Variants in IRS2 observed in about 807,000 individuals in gnomAD.
IRS2 encodes the protein insulin receptor substrate 2.
Under a neutral mutation model 70.9 loss-of-function variants are expected in IRS2, and 28 were observed. The observed-to-expected ratio is 0.39, with a 90% CI of 0.29 to 0.54. The LOEUF (loss-of-function observed/expected upper bound fraction) is 0.54, where lower values mean the gene tolerates loss of function less well. IRS2 is among the 20% of genes least tolerant of loss of function. The probability of loss-of-function intolerance (pLI) is 0.59; values close to 1 mark genes in which losing one functional copy is unlikely to be tolerated. For synonymous variants in IRS2, 1,217 were observed against 981.9 expected (o/e 1.24, Z -4.48); for missense variants, 2,081 against 2,024.1 (o/e 1.03, Z -0.54).
At chr13:109,760,285 C>T (rs1312574526) in intron 1 of IRS2, among the ~76,000 whole-genome samples, 1 of 152,244 alleles carries the variant, frequency 6.6e-6, no homozygotes, top group Non-Finnish European at 1.5e-5. Context: ...AACAATAAGA[C>T]TCACGTGTTG....
rs546568276 is a variant in IRS2 at position 109,775,001 on chromosome 13, T to A, written c.4012+7041A>T. Among the ~76,000 whole-genome samples, 3 of 152,280 alleles carry A rather than the reference T, an allele frequency of 2.0e-5. No individual in the cohort carries two copies. In the East Asian group the frequency reaches 5.8e-4, roughly 29 times the overall value. On this transcript the variant is annotated intron_variant, in intron 1 of 1. Coordinates refer to ENST00000375856, the MANE Select transcript of IRS2 (RefSeq NM_003749.3). ...AAGTTGTGGGATTATCTGTTACACT[T>A]ATACTTTGGAGGCCAAAGATTGACT...
Position 109,782,813 on chromosome 13 carries a change from C to A in IRS2, c.3241G>T (p.Ala1081Ser), listed in dbSNP as rs763286001. 1.3e-6 allele frequency: 2 copies of A among 1,589,120 alleles called. No individual in the cohort carries two copies. The highest frequency in any genetic ancestry group is 1.7e-6 in the Non-Finnish European group (2 of 1,169,318). The change falls in exon 1 of 2, where the codon GCC (alanine) becomes TCC (serine). Residue 1081 changes from alanine to serine, a missense_variant. Physicochemically the swap from Ala to Ser is moderately conservative, Grantham distance 99 (BLOSUM62 1). This residue lies in a region of IRS2 where 1,615 missense variants were observed against 1,459.5 expected (regional missense o/e 1.11). Coordinates refer to ENST00000375856, the MANE Select transcript of IRS2 (RefSeq NM_003749.3). ...GCCGCGATAGGTTGCGGCGGGGTGGCGGCCACACCAAAAGCCATCTCGGTG... is the reference window on the plus strand; with the variant it reads ...GCCGCGATAGGTTGCGGCGGGGTGGAGGCCACACCAAAAGCCATCTCGGTG... ...DYTEMAFGVA[A>S]TPPQPIAAPP...
rs1230301870 is a variant in IRS2, at chr13:109,755,300, TA to T, written c.*1003del. 4 of 228,736 alleles carry T rather than the reference TA, an allele frequency of 1.7e-5. No homozygotes were observed. Among genetic ancestry groups the T allele is most frequent in the Middle Eastern group, 2.5e-3 (2 of 792 alleles). 14.2% of individuals were successfully genotyped at this position (228,736 alleles called of 1,614,324 possible). ...ATTTTATTAAAGATAATACGTTTTT[TA>T]AAAATCAAATCTGCCAAACCCGGAC... On this transcript the variant is annotated 3_prime_UTR_variant, in exon 2 of 2. Transcript: ENST00000375856.
rs753888517 is a variant in IRS2, at chr13:109,784,178, G to T, written c.1876C>A (p.His626Asn). ...TCTCCGTAGTCCTCTGGGTAGGGGT[G>T]GTAGGCCACCTTGGGAGAGGACGCG... The part of the protein sequence containing the change: ...CPASSPKVAY[H>N]PYPEDYGDIE... Residue 626 changes from histidine (H) to asparagine (N), a missense_variant, in exon 1 of 2, where the codon CAC becomes AAC. Around this residue, in one of 4 missense-constraint regions of IRS2, gnomAD observed 1,615 missense variants for 1,459.5 expected, o/e 1.11. Transcript: ENST00000375856. This position sits in a 1 kb window ranked among gnomAD's most constrained non-coding sequence, Gnocchi z 5.2. 6 of 1,579,792 alleles carry T rather than the reference G, an allele frequency of 3.8e-6. No individual in the cohort carries two copies. The South Asian group carries it at 6.8e-5, about 18-fold the overall frequency.
chr13:109,772,524 C>T (rs544033883), intron 1 of IRS2, among the ~76,000 whole-genome samples: 106 of 152,264 alleles, frequency 7.0e-4, no homozygotes, highest in African/African-American at 2.5e-3. Flanking sequence ...CTCATCCAGC[C>T]AGGTCTCCAA....
chr13:109,785,480 C>T lies in IRS2; in HGVS notation c.574G>A (p.Ala192Thr), dbSNP rs2138938352. 3.7e-6 allele frequency: 6 copies of T among 1,611,702 alleles called. No individual in the cohort carries two copies. Among genetic ancestry groups the T allele is most frequent in the Non-Finnish European group, 5.1e-6 (6 of 1,179,640 alleles). Residue 192 changes from alanine (A) to threonine (T), a missense_variant, in exon 1 of 2, where the codon GCC (alanine) becomes ACC (threonine). Physicochemically the swap from Ala to Thr is moderately conservative, Grantham distance 58. Transcript: ENST00000375856. This position sits in a 1 kb window ranked among gnomAD's most constrained non-coding sequence, Gnocchi z 9.3. ...DSYGLVAPAT[A>T]AYREVWQVNL... ...ACCTGCCACACCTCACGGTAGGCGGCCGTGGCGGGAGCCACCAGCCCGTAG... is the reference window on the plus strand; with the variant it reads ...ACCTGCCACACCTCACGGTAGGCGGTCGTGGCGGGAGCCACCAGCCCGTAG...
At chr13:109,771,615 G>A (rs545832853) in intron 1 of IRS2, among the ~76,000 whole-genome samples, 20 of 152,300 alleles carry the variant, frequency 1.3e-4, no homozygotes, top group East Asian at 5.8e-4. Context: ...TTTCATTTGC[G>A]TATGTAAAAC....
In IRS2 at chr13:109,783,534, C is replaced by T. The variant is rs1467394735; in HGVS notation, c.2520G>A (p.Glu840=). ...GGCTGGGCCCTGGCGTGGCCTGAGGCTCCAGACGCTCCTCCTCCAGGATGC... is the reference window on the plus strand; with the variant it reads ...GGCTGGGCCCTGGCGTGGCCTGAGGTTCCAGACGCTCCTCCTCCAGGATGC... The part of the protein sequence containing the change: ...VGRILEEERL[E]PQATPGPSQA... The change falls in exon 1 of 2, where the codon GAG becomes GAA. Residue 840 remains glutamate, a synonymous_variant. Transcript: ENST00000375856. The T allele has an allele frequency of 6.5e-6, 10 of 1,549,234 alleles. No individual in the cohort carries two copies. The highest frequency in any genetic ancestry group is 8.7e-6 in the Non-Finnish European group (10 of 1,146,690).
chr13:109,778,941 G>A (rs182732325), intron 1 of IRS2, among the ~76,000 whole-genome samples: 127 of 152,244 alleles, frequency 8.3e-4, no homozygotes, highest in African/African-American at 2.6e-3. Flanking sequence ...ATTCAGTAGC[G>A]TCTTTCCAAT....
Position 109,783,219 on chromosome 13 carries a change from G to C in IRS2, c.2835C>G (p.Ser945=). The C allele has an allele frequency of 1.4e-6, 2 of 1,438,338 alleles. No homozygotes were observed. The highest frequency in any genetic ancestry group is 1.8e-6 in the Non-Finnish European group (2 of 1,098,866). 89.1% of individuals were successfully genotyped at this position (1,438,338 alleles called of 1,614,324 possible). A position where few individuals can be genotyped will look rare whatever the true frequency, so the allele number is the denominator to read the frequency against. The change falls in exon 1 of 2, where the codon TCC becomes TCG. Residue 945 remains serine, a synonymous_variant. Coordinates refer to ENST00000375856, the MANE Select transcript of IRS2 (RefSeq NM_003749.3). ...GGCTGCTGGCGGACAAGAGCGAGGA[G>C]GACGAGGCCGCCGACGCCAGCAGGG... ...APPLLASAAS[S]SSLLSASSPA... is the part of the protein sequence containing the mutation.
chr13:109,783,535 T>C lies in IRS2; in HGVS notation c.2519A>G (p.Glu840Gly), dbSNP rs113441645. 1.3e-6 allele frequency: 2 copies of C among 1,549,200 alleles called. No individual in the cohort carries two copies. The highest frequency in any genetic ancestry group is 1.4e-5 in the African/African-American group (1 of 73,138). The change falls in exon 1 of 2, where the codon GAG becomes GGG. Residue 840 changes from glutamate to glycine, a missense_variant. Around this residue, in one of 4 missense-constraint regions of IRS2, gnomAD observed 1,615 missense variants for 1,459.5 expected, o/e 1.11. Transcript: ENST00000375856. The part of the protein sequence containing the change: ...VGRILEEERL[E>G]PQATPGPSQA... ...GCTGGGCCCTGGCGTGGCCTGAGGC[T>C]CCAGACGCTCCTCCTCCAGGATGCG...
intron 1 of IRS2, among the ~76,000 whole-genome samples, chr13:109,773,849 C>T (rs1217230955): frequency 1.3e-5 from 2 of 152,186 alleles, no homozygotes; most frequent in Non-Finnish European, 2.9e-5. Flanking sequence ...AGAGCATAGG[C>T]TGTATCCTGG....
chr13:109,772,574 G>C (rs909139219), intron 1 of IRS2, among the ~76,000 whole-genome samples: 13 of 151,866 alleles, frequency 8.6e-5, no homozygotes, highest in Non-Finnish European at 1.5e-4. Flanking sequence ...CTCACCGTTG[G>C]GGGTGCTGGC....
At chr13:109,779,059 T>C (rs1457832676) in intron 1 of IRS2, among the ~76,000 whole-genome samples, 1 of 152,312 alleles carries the variant, frequency 6.6e-6, no homozygotes, top group African/African-American at 2.4e-5. Context: ...AGATGCATAA[T>C]TTTGAGTTTG....
At position 109,784,712 on chromosome 13, in the gene IRS2, G is replaced by A. The variant is rs1877858490; in HGVS notation, c.1342C>T (p.Leu448=). Residue 448 remains leucine, a synonymous_variant, in exon 1 of 2, where the codon CTG becomes TTG. Coordinates refer to ENST00000375856, the MANE Select transcript of IRS2 (RefSeq NM_003749.3). This position sits in a 1 kb window ranked among gnomAD's most constrained non-coding sequence, Gnocchi z 5.2. ...GAGCCGTGGCCGCTGCTGGACGACA[G>A]GGAGCCGGGGCTGGTGGCGGCGGGC... ...SPPAATSPGS[L]SSSSGHGSGS... is the part of the protein sequence containing the mutation. 6 of 1,237,154 alleles carry A rather than the reference G, an allele frequency of 4.8e-6. No homozygotes were observed. Among genetic ancestry groups the A allele is most frequent in the Non-Finnish European group, 6.0e-6 (6 of 992,460 alleles). The allele number at this position is 1,237,154 out of a possible 1,614,324, so 76.6% of individuals were successfully genotyped here. A position where few individuals can be genotyped will look rare whatever the true frequency, so the allele number is the denominator to read the frequency against.
rs2138931336 is a variant in IRS2, at chr13:109,782,981, G to A, written c.3073C>T (p.Pro1025Ser). Residue 1025 changes from proline (P) to serine (S), a missense_variant, in exon 1 of 2, where the codon CCG becomes TCG. Physicochemically the swap from Pro to Ser is moderately conservative, Grantham distance 74 (BLOSUM62 -1). Around this residue, in one of 4 missense-constraint regions of IRS2, gnomAD observed 1,615 missense variants for 1,459.5 expected, o/e 1.11. Transcript: ENST00000375856. ...PPLPPRPSASPSSSLQPPPPP... is the reference protein window; with the variant it reads ...PPLPPRPSASSSSSLQPPPPP... ...GGCGGCGGCTGCAGAGACGACGACG[G>A]GGACGCGGACGGACGCGGGGGCAAC... 1.4e-6 allele frequency: 2 copies of A among 1,400,322 alleles called. No individual in the cohort carries two copies. The highest frequency in any genetic ancestry group is 3.3e-5 in the South Asian group (2 of 61,272). The allele number at this position is 1,400,322 out of a possible 1,614,324, so 86.7% of individuals were successfully genotyped here. A position where few individuals can be genotyped will look rare whatever the true frequency, so the allele number is the denominator to read the frequency against.
In IRS2 at chr13:109,784,566, G is replaced by C; in HGVS notation, c.1488C>G (p.Gly496=). The change falls in exon 1 of 2, where the codon GGC becomes GGG. Residue 496 remains glycine, a synonymous_variant. Transcript: ENST00000375856. The surrounding 1 kb of genome is among the most constrained non-coding windows in gnomAD (Gnocchi z 5.2). The part of the protein sequence containing the change: ...ASASGSPSDP[G]FMSLDEYGSS... ...AGCCGTACTCGTCCAGGGACATGAA[G>C]CCGGGGTCGCTGGGGGAGCCCGAGG... 7.1e-7 allele frequency: 1 copy of C among 1,413,204 alleles called. No individual in the cohort carries two copies. The highest frequency in any genetic ancestry group is 9.2e-7 in the Non-Finnish European group (1 of 1,089,362). 87.5% of individuals were successfully genotyped at this position (1,413,204 alleles called of 1,614,324 possible).
chr13:109,772,675 A>G (rs1224830944), intron 1 of IRS2, among the ~76,000 whole-genome samples: 1 of 145,276 alleles, frequency 6.9e-6, no homozygotes, highest in Non-Finnish European at 1.5e-5. Flanking sequence ...CAGGCCACAG[A>G]TTTGCCTATT....
Position 109,784,412 on chromosome 13 carries a change from G to A in IRS2, c.1642C>T (p.Pro548Ser), listed in dbSNP as rs1434559438. Residue 548 changes from proline (P) to serine (S), a missense_variant, in exon 1 of 2, where the codon CCC becomes TCC. Transcript: ENST00000375856. This position sits in a 1 kb window ranked among gnomAD's most constrained non-coding sequence, Gnocchi z 5.2. ...TAGGAGCGGCCACAGTGGCTCAGGG[G>A]CCTGTCCATGGTCATGTACCCGTAG... ...EFYGYMTMDR[P>S]LSHCGRSYRR... The A allele has an allele frequency of 2.0e-5, 33 of 1,610,286 alleles. No homozygotes were observed. The highest frequency in any genetic ancestry group is 2.7e-5 in the Non-Finnish European group (32 of 1,179,134).
Sources: gnomAD v4.1 joint callset for allele counts (sites outside exome capture counted in the v4.1 genomes callset) on GRCh38, gnomAD v4.1.1 for gene constraint, gnomAD v4.1.1 regional missense constraint, Gnocchi (gnomAD v3.1) non-coding constraint, MANE v1.5 for transcripts, NCBI Gene and HGNC (gene_info 2026-07-23, HGNC 2026-07-21) for gene names.